MMP13: variants seen among roughly 807,000 people sequenced by gnomAD.
MMP13 encodes collagenase 3.
Under a neutral mutation model 52.1 loss-of-function variants are expected in MMP13, and 45 were observed. The observed-to-expected ratio is 0.86, with a 90% CI of 0.68 to 1.11. The LOEUF is 1.11. Ranked by LOEUF, MMP13 falls within the 50% of genes least tolerant of loss-of-function variation. The probability of loss-of-function intolerance (pLI) is 0.00; values close to 1 mark genes in which losing one functional copy is unlikely to be tolerated. For missense variants in MMP13, 576 were observed against 583.8 expected, an observed-to-expected ratio of 0.99 and a Z score of 0.14; for synonymous variants, 200 against 204.4, an observed-to-expected ratio of 0.98 and a Z score of 0.18.
chr11:102,950,169 AG>A lies in MMP13; in HGVS notation c.857del (p.Pro286LeufsTer16). ...KHPKTPDKCD[P>X]SLSLDAITSL... ...TGGTAATGGCATCAAGGGATAAGGA[AG>A]GGTCACATTTGTCTGGCGTTTTTGG... On this transcript the variant is annotated frameshift_variant, in exon 6 of 10. Transcript: ENST00000260302. LOFTEE classifies it high-confidence loss of function. 6.2e-7 allele frequency: 1 copy of A among 1,613,890 alleles called. No homozygotes were observed. The highest frequency in any genetic ancestry group is 8.5e-7 in the Non-Finnish European group (1 of 1,179,806).
chr11:102,952,497 T>C lies in MMP13; in HGVS notation c.638-324A>G, dbSNP rs1290354967. Among the ~76,000 whole-genome samples the C allele has an allele frequency of 6.6e-6, 1 of 152,146 alleles. No homozygotes were observed. The highest frequency in any genetic ancestry group is 1.9e-4 in the East Asian group (1 of 5,190). On this transcript the variant is annotated intron_variant, in intron 4 of 9. Coordinates refer to ENST00000260302, the MANE Select transcript of MMP13 (RefSeq NM_002427.4). This position sits in a 1 kb window ranked among gnomAD's most constrained non-coding sequence, Gnocchi z 4.3. ...AGAACTCCTGATTTGCGCTTAGTAT[T>C]CTCAGGTCAGGTGAGGGAAGTGGAC...
chr11:102,947,785 A>T (rs1860536992), intron 8 of MMP13, 106 bp downstream of exon 8: 1 of 1,268,396 alleles, frequency 7.9e-7, no homozygotes, highest in Non-Finnish European at 1.1e-6. Flanking sequence ...ATGAATGACT[A>T]GTATGACATT....
chr11:102,949,125 A>T lies in MMP13; in HGVS notation c.951T>A (p.Asp317Glu). 6.2e-7 allele frequency: 1 copy of T among 1,613,848 alleles called. No homozygotes were observed. The highest frequency in any genetic ancestry group is 8.5e-7 in the Non-Finnish European group (1 of 1,179,814). The stretch of plus-strand genomic sequence containing the variant: ...ATGATTTCGTTAAAAACAGCTCCGC[A>T]TCAACCTGCTGAGGATGCAGGCGCC... ...FFWRLHPQQV[D>E]AELFLTKSFW... is the part of the protein sequence containing the mutation. The change falls in exon 7 of 10, where the codon GAT becomes GAA. Residue 317 changes from aspartate (D) to glutamate (E), a missense_variant. Coordinates refer to ENST00000260302, the MANE Select transcript of MMP13 (RefSeq NM_002427.4). The surrounding 1 kb of genome is among the most constrained non-coding windows in gnomAD (Gnocchi z 4.2).
chr11:102,950,971 G>T (rs374025781), intron 5 of MMP13, among the ~76,000 whole-genome samples: 1 of 152,148 alleles, frequency 6.6e-6, no homozygotes, highest in East Asian at 1.9e-4. Flanking sequence ...GTGATAGATT[G>T]AAATCTAGAG....
In MMP13 at chr11:102,944,346, C is replaced by T. The variant is rs139939501; in HGVS notation, c.1336G>A (p.Gly446Arg). The T allele has an allele frequency of 1.6e-5, 26 of 1,610,980 alleles. No individual in the cohort carries two copies. The highest frequency in any genetic ancestry group is 5.0e-5 in the Admixed American group (3 of 59,934). ...ATGCTGTATTCAAACTGTATGGGTC[C>T]GTTGAAAAAATAGATATAACCTATA... ...EKNGYIYFFNGPIQFEYSIWS... is the reference protein window; with the variant it reads ...EKNGYIYFFNRPIQFEYSIWS... The change falls in exon 10 of 10, where the codon GGA (glycine) becomes AGA (arginine). Residue 446 changes from glycine (G) to arginine (R), a missense_variant. By Grantham distance (125) the Gly-to-Arg change is moderately radical (BLOSUM62 -2). Coordinates refer to ENST00000260302, the MANE Select transcript of MMP13 (RefSeq NM_002427.4).
At chr11:102,944,605 C>T (rs1373933373) in intron 9 of MMP13, among the ~76,000 whole-genome samples, 2 of 151,010 alleles carry the variant, frequency 1.3e-5, no homozygotes, top group African/African-American at 2.4e-5. Flanking sequence ...CTTGGATTAT[C>T]GATTTTTGTG....
chr11:102,954,968 T>C (rs1860672818), intron 2 of MMP13, among the ~76,000 whole-genome samples: 1 of 152,218 alleles, frequency 6.6e-6, no homozygotes, highest in Admixed American at 6.5e-5. Flanking sequence ...TCTTGAGCAC[T>C]GTTGTAATAA....
chr11:102,954,118 T>TA (rs1156524794), intron 4 of MMP13, 38 bp downstream of exon 4: 1 of 1,609,062 alleles, frequency 6.2e-7, no homozygotes, highest in African/African-American at 1.3e-5. Context: ...CTGTCTAATC[T>TA]AATAACACAT....
At chr11:102,953,677 T>C (rs1939529) in intron 4 of MMP13, among the ~76,000 whole-genome samples, 10,523 of 152,184 alleles carry the variant, frequency 0.069, 1,270 homozygotes, top group African/African-American at 0.24. Flanking sequence ...TTACAATATA[T>C]AGACAAGACT....
chr11:102,944,433 T>A, intron 9 of MMP13, 67 bp from the exon 10 acceptor site: 1 of 1,147,200 alleles, frequency 8.7e-7, no homozygotes, highest in Non-Finnish European at 1.3e-6. Context: ...CAGTTAATAT[T>A]AATGGTTCAA....
chr11:102,945,961 C>G (rs1218026100), intron 8 of MMP13, among the ~76,000 whole-genome samples: 1 of 152,112 alleles, frequency 6.6e-6, no homozygotes, highest in East Asian at 1.9e-4. Context: ...GCCCAAAGGC[C>G]ATCTTTTTAA....
chr11:102,953,232 G>T (rs1007108883), intron 4 of MMP13, among the ~76,000 whole-genome samples: 3 of 152,122 alleles, frequency 2.0e-5, no homozygotes, highest in Non-Finnish European at 2.9e-5. Flanking sequence ...GAGGCTTACT[G>T]TGATTCTACC....
intron 7 of MMP13, 101 bp downstream of exon 7, chr11:102,948,924 G>C: frequency 6.8e-7 from 1 of 1,470,974 alleles, no homozygotes; most frequent in Non-Finnish European, 9.4e-7. Flanking sequence ...TTTAATTTAG[G>C]TATATTTTCA....
rs541711095 is a variant in MMP13, at chr11:102,944,076, C to A, written c.*190G>T. The stretch of plus-strand genomic sequence containing the variant: ...TCTTTAGAGATCCTCCATTTCATTA[C>A]TCTAACATTCTTCAATGTGGTTCCA... On this transcript the variant is annotated 3_prime_UTR_variant, in exon 10 of 10. Transcript: ENST00000260302. 1 of 580,266 alleles carries A rather than the reference C, an allele frequency of 1.7e-6. No homozygotes were observed. The highest frequency in any genetic ancestry group is 1.6e-5 in the South Asian group (1 of 63,594). The allele number at this position is 580,266 out of a possible 1,614,324, so 35.9% of individuals were successfully genotyped here.
At chr11:102,944,679 C>T (rs1439380333) in intron 9 of MMP13, among the ~76,000 whole-genome samples, 4 of 151,502 alleles carry the variant, frequency 2.6e-5, no homozygotes, top group African/African-American at 9.7e-5. Flanking sequence ...GTGATCTTGG[C>T]TCACTGCAAC....
rs782797921 is a variant in MMP13 at position 102,952,072 on chromosome 11, T to C, written c.739A>G (p.Thr247Ala). The change falls in exon 5 of 10, where the codon ACC (threonine) becomes GCC (alanine). Residue 247 changes from threonine to alanine, a missense_variant. Thr to Ala is a moderately conservative substitution (Grantham distance 58, BLOSUM62 0). Transcript: ENST00000260302. This position sits in a 1 kb window ranked among gnomAD's most constrained non-coding sequence, Gnocchi z 4.3. ...GALMFPIYTY[T>A]GKSHFMLPDD... ...GGAAGCATAAAGTGGCTTTTGCCGGTGTAGGTGTAGATAGGAAACATGAGT... is the reference window on the plus strand; with the variant it reads ...GGAAGCATAAAGTGGCTTTTGCCGGCGTAGGTGTAGATAGGAAACATGAGT... 11 of 1,613,412 alleles carry C rather than the reference T, an allele frequency of 6.8e-6. No homozygotes were observed. Among genetic ancestry groups the C allele is most frequent in the South Asian group, 1.1e-5 (1 of 91,062 alleles).
At chr11:102,950,328 G>T (rs886806210) in intron 5 of MMP13, 101 bp from the exon 6 acceptor site, 74 of 951,186 alleles carry the variant, frequency 7.8e-5, no homozygotes, top group Middle Eastern at 2.1e-4. Context: ...GTGGGAGAGG[G>T]TTTCTCCAGG....
rs201397692 is a variant in MMP13, at chr11:102,948,035, G to A, written c.1067C>T (p.Ala356Val). ...IFIFRGRKFW[A>V]LNGYDILEGY... ...TTCCAGAATGTCATAACCATTAAGAGCCCAAAATTTTCTACCTGGAATGAG... is the reference window on the plus strand; with the variant it reads ...TTCCAGAATGTCATAACCATTAAGAACCCAAAATTTTCTACCTGGAATGAG... The change falls in exon 8 of 10, where the codon GCT (alanine) becomes GTT (valine). Residue 356 changes from alanine to valine, a missense_variant. Physicochemically the swap from Ala to Val is moderately conservative, Grantham distance 64 (BLOSUM62 0). Coordinates refer to ENST00000260302, the MANE Select transcript of MMP13 (RefSeq NM_002427.4). The A allele has an allele frequency of 6.2e-6, 10 of 1,613,300 alleles. No individual in the cohort carries two copies. The highest frequency in any genetic ancestry group is 3.3e-5 in the Admixed American group (2 of 59,924).
rs782669761 is a variant in MMP13 at position 102,944,222 on chromosome 11, C to G, written c.*44G>C. On this transcript the variant is annotated 3_prime_UTR_variant, in exon 10 of 10. Transcript: ENST00000260302. ...ACCCCGCACTTCTGGAAGTATTACC[C>G]CAAATGCTCTTCAGGATTTAAATAA... 1 of 1,460,532 alleles carries G rather than the reference C, an allele frequency of 6.8e-7. No homozygotes were observed. The highest frequency in any genetic ancestry group is 2.3e-5 in the East Asian group (1 of 43,902). 90.5% of individuals were successfully genotyped at this position (1,460,532 alleles called of 1,614,324 possible). A position where few individuals can be genotyped will look rare whatever the true frequency, so the allele number is the denominator to read the frequency against.
Sources: gnomAD v4.1 joint callset for allele counts (sites outside exome capture counted in the v4.1 genomes callset) on GRCh38, gnomAD v4.1.1 for gene constraint, Gnocchi (gnomAD v3.1) non-coding constraint, MANE v1.5 for transcripts, NCBI Gene and HGNC (gene_info 2026-07-23, HGNC 2026-07-21) for gene names.